The following MRE11 variants were observed in gnomAD, a reference collection of about 807,000 sequenced individuals.
The protein encoded by MRE11 is double-strand break repair protein MRE11.
Under a neutral mutation model 91.7 loss-of-function variants are expected in MRE11, and 62 were observed. The ratio of observed to expected loss-of-function variants is 0.68; its 90% CI spans 0.55 to 0.84. The LOEUF (loss-of-function observed/expected upper bound fraction) is 0.84, where lower values mean the gene tolerates loss of function less well. Among genes scored for constraint, MRE11 ranks in the 40% least tolerant of loss-of-function variants. The pLI, the probability that MRE11 is intolerant of heterozygous loss-of-function variation, is 0.00. For missense variants in MRE11, 796 were observed against 852.9 expected (o/e 0.93, Z 0.83); for synonymous variants, 273 against 271.4 (o/e 1.01, Z -0.06).
chr11:94,468,361 T>C (rs1488362302), intron 9 of MRE11, among the ~76,000 whole-genome samples: 4 of 152,184 alleles, frequency 2.6e-5, no homozygotes, highest in African/African-American at 9.7e-5. Context: ...TCTGAGAGGA[T>C]AAGATTATAA....
In MRE11 at chr11:94,420,173, A is replaced by G. The variant is rs1354524779; in HGVS notation, c.2079T>C (p.Asp693=). 1.3e-6 allele frequency: 2 copies of G among 1,583,976 alleles called. No homozygotes were observed. The highest frequency in any genetic ancestry group is 4.5e-5 in the East Asian group (2 of 44,530). The change falls in exon 20 of 20, where the codon GAT becomes GAC. Residue 693 remains aspartate, a synonymous_variant. Transcript: ENST00000323929. The stretch of plus-strand genomic sequence containing the variant: ...AACTAGTGTTCATAAAAGGATCATC[A>G]TCATCATCCTGAAATGAGATACAAA... ...GVDFESSEDD[D]DDPFMNTSSL...
upstream of MRE11, among the ~76,000 whole-genome samples, chr11:94,495,471 A>G (rs1440360637): frequency 6.6e-6 from 1 of 152,224 alleles, no homozygotes; most frequent in Non-Finnish European, 1.5e-5. Flanking sequence ...AGAAAGCAGA[A>G]AGCGATCTAA....
intron 4 of MRE11, among the ~76,000 whole-genome samples, chr11:94,484,921 G>C (rs1335804957): frequency 6.6e-6 from 1 of 152,160 alleles, no homozygotes; most frequent in African/African-American, 2.4e-5. Flanking sequence ...CAATGTTTAA[G>C]ACATGATGGG....
At chr11:94,443,918 A>ATTTT (rs71036324) in intron 16 of MRE11, among the ~76,000 whole-genome samples, 1 of 135,168 alleles carries the variant, frequency 7.4e-6, no homozygotes, top group Admixed American at 7.4e-5. Context: ...CCTTCAACCA[A>ATTTT]TTTTTTTTTT....
intron 10 of MRE11, 125 bp downstream of exon 10, chr11:94,467,688 C>T (rs1434682114): frequency 1.1e-5 from 9 of 790,578 alleles, no homozygotes; most frequent in Admixed American, 2.3e-5. Flanking sequence ...TTTTTGCCTC[C>T]GATGGTGATT....
chr11:94,481,181 T>C (rs558098748), intron 4 of MRE11, among the ~76,000 whole-genome samples: 1 of 152,182 alleles, frequency 6.6e-6, no homozygotes, highest in Admixed American at 6.5e-5. Flanking sequence ...TGGTGGCACA[T>C]GCCTGTAGTC....
chr11:94,431,573 C>A (rs983001040), intron 18 of MRE11, among the ~76,000 whole-genome samples: 7 of 152,150 alleles, frequency 4.6e-5, no homozygotes, highest in African/African-American at 1.4e-4. Context: ...AGTTACCATA[C>A]CAAGAAGCAA....
chr11:94,492,658 T>C (rs763537581), intron 2 of MRE11, 124 bp downstream of exon 2: 47 of 1,423,884 alleles, frequency 3.3e-5, no homozygotes, highest in Non-Finnish European at 4.5e-5. Context: ...TGATGACTAA[T>C]ATTTCTGTTC....
the MRE11 span, among the ~76,000 whole-genome samples, chr11:94,504,193 T>C: frequency 6.6e-6 from 1 of 152,222 alleles, no homozygotes; most frequent in Non-Finnish European, 1.5e-5. Flanking sequence ...TGTACACAAC[T>C]GTCAAAAGTC....
chr11:94,498,755 G>C (rs1947453656), upstream of MRE11: 2 of 553,796 alleles, frequency 3.6e-6, no homozygotes, highest in Non-Finnish European at 6.3e-6. Flanking sequence ...TTTTTTATCA[G>C]AAATAATTTT....
intron 9 of MRE11, 79 bp from the exon 10 acceptor site, chr11:94,467,972 G>T: frequency 9.3e-7 from 1 of 1,070,106 alleles, no homozygotes; most frequent in Non-Finnish European, 1.4e-6. Flanking sequence ...ATTACCACAG[G>T]AATTTTCCTG....
chr11:94,461,591 A>G (rs192157652), intron 11 of MRE11, among the ~76,000 whole-genome samples: 175 of 152,322 alleles, frequency 1.1e-3, no homozygotes, highest in African/African-American at 4.0e-3. Flanking sequence ...CATCACTCCT[A>G]TTCAACACAG....
rs531066449 is a variant in MRE11 at position 94,431,533 on chromosome 11, C to T, written c.1995-1547G>A. Among the ~76,000 whole-genome samples, 12 of 152,272 alleles carry T rather than the reference C, an allele frequency of 7.9e-5. 1 individual carries two copies. The highest frequency in any genetic ancestry group is 2.9e-4 in the African/African-American group (12 of 41,558). On this transcript the variant is annotated intron_variant, in intron 18 of 19. Coordinates refer to ENST00000323929, the MANE Select transcript of MRE11 (RefSeq NM_005591.4). ...ACAGCCTCTCAAAACTTAAATGATTCTTATTGCTTGCACAATGGTCAGAGA... is the reference window on the plus strand; with the variant it reads ...ACAGCCTCTCAAAACTTAAATGATTTTTATTGCTTGCACAATGGTCAGAGA...
chr11:94,437,800 T>C (rs976133106), intron 16 of MRE11, among the ~76,000 whole-genome samples: 1 of 152,182 alleles, frequency 6.6e-6, no homozygotes, highest in Non-Finnish European at 1.5e-5. Flanking sequence ...GCTAGCTCTT[T>C]ATCTTTCCCT....
chr11:94,489,292 A>G (rs1321034840), intron 3 of MRE11, among the ~76,000 whole-genome samples: 7 of 151,826 alleles, frequency 4.6e-5, no homozygotes, highest in African/African-American at 1.7e-4. Context: ...CTAGATGTGC[A>G]AGGGCCTCAG....
chr11:94,426,637 TAAAC>T (rs1393220596), intron 19 of MRE11, among the ~76,000 whole-genome samples: 3 of 151,904 alleles, frequency 2.0e-5, no homozygotes, highest in East Asian at 1.9e-4. Flanking sequence ...TTTAAAATAA[TAAAC>T]AAAATTGATA....
In MRE11 at chr11:94,485,908, A is replaced by C; in HGVS notation, c.314+16T>G. 6.2e-7 allele frequency: 1 copy of C among 1,610,542 alleles called. No homozygotes were observed. The highest frequency in any genetic ancestry group is 8.5e-7 in the Non-Finnish European group (1 of 1,178,486). The stretch of plus-strand genomic sequence containing the variant: ...TACACAAGTAATCACTCACTCAAGT[A>C]AATAAATATACTTACTTACTAAAAC... On this transcript the variant is annotated intron_variant, in intron 4 of 19. Transcript: ENST00000323929.
intron 13 of MRE11, among the ~76,000 whole-genome samples, chr11:94,457,887 T>TCTCTCTCACA (rs372404360): frequency 0.024 from 3,477 of 144,256 alleles, 112 homozygotes; most frequent in Admixed American, 0.088. Flanking sequence ...TCTCTCTCTC[T>TCTCTCTCACA]CACACACACA....
At chr11:94,463,682 C>G (rs1313947238) in intron 11 of MRE11, among the ~76,000 whole-genome samples, 1 of 150,902 alleles carries the variant, frequency 6.6e-6, no homozygotes, top group Non-Finnish European at 1.5e-5. Context: ...ACCGCAAGGA[C>G]AGAAAACCGA....
Sources: allele counts gnomAD v4.1 joint callset (sites outside exome capture counted in the v4.1 genomes callset), GRCh38; gene constraint gnomAD v4.1.1; transcripts MANE v1.5; gene names NCBI Gene and HGNC (gene_info 2026-07-23, HGNC 2026-07-21).